AK8: variants seen among roughly 807,000 people sequenced by gnomAD.
The protein encoded by AK8 is adenylate kinase 8.
AK8 carries 44 observed loss-of-function variants against 54.6 expected under a neutral mutation model. That is an observed-to-expected ratio of 0.81 (90% CI 0.63 to 1.04). AK8 has a LOEUF of 1.04. AK8 is among the 50% of genes least tolerant of loss of function. The pLI is 0.00. For missense variants in AK8, 555 were observed against 613.6 expected (o/e 0.90, Z 1.01); for synonymous variants, 239 against 245.6 (o/e 0.97, Z 0.25).
intron 5 of AK8, among the ~76,000 whole-genome samples, chr9:132,847,446 C>T (rs376062831): frequency 1.3e-5 from 2 of 152,096 alleles, no homozygotes; most frequent in Non-Finnish European, 1.5e-5. Context: ...GTGCTTAGAA[C>T]GAATGCTCAT....
intron 10 of AK8, among the ~76,000 whole-genome samples, chr9:132,800,822 T>G (rs1235242115): frequency 6.6e-6 from 1 of 151,802 alleles, no homozygotes; most frequent in African/African-American, 2.4e-5. Flanking sequence ...CCATGTCTAC[T>G]CAGGCAAAAG....
At chr9:132,782,055 G>A (rs971271082) in intron 11 of AK8, among the ~76,000 whole-genome samples, 3 of 152,014 alleles carry the variant, frequency 2.0e-5, no homozygotes, top group Non-Finnish European at 2.9e-5. Context: ...CCTGTCCTTC[G>A]CCCTAGGGTC....
At chr9:132,774,398 T>C (rs1282782370) in intron 11 of AK8, among the ~76,000 whole-genome samples, 1 of 152,202 alleles carries the variant, frequency 6.6e-6, no homozygotes, top group Non-Finnish European at 1.5e-5. Flanking sequence ...TTTTTTTATA[T>C]ATTAAATAAT....
intron 1 of AK8, among the ~76,000 whole-genome samples, chr9:132,875,455 C>T (rs1844053096): frequency 6.6e-6 from 1 of 152,196 alleles, no homozygotes. Flanking sequence ...TCAGAGCAGG[C>T]AGTCCAGGGC....
intron 11 of AK8, among the ~76,000 whole-genome samples, chr9:132,745,182 G>C (rs1237200331): frequency 6.6e-6 from 1 of 152,198 alleles, no homozygotes; most frequent in Non-Finnish European, 1.5e-5. Context: ...GGGGCCTTAT[G>C]AATGTTTACA....
chr9:132,750,356 T>C lies in AK8; in HGVS notation c.1122-22822A>G, dbSNP rs564022100. 6.8e-4 allele frequency among the ~76,000 whole-genome samples: 103 copies of C among 152,040 alleles called. 3 individuals are homozygous for C. The highest frequency in any genetic ancestry group is 1.2e-3 in the Non-Finnish European group (84 of 67,886). On this transcript the variant is annotated intron_variant, in intron 11 of 12. Transcript: ENST00000298545. ...CTGGTGTCCAAATCCTGACCTCAAG[T>C]GAGCCACCCGCCTTGGCCTCTCAAA...
intron 9 of AK8, among the ~76,000 whole-genome samples, chr9:132,818,414 G>A (rs1484895786): frequency 2.6e-5 from 4 of 152,120 alleles, no homozygotes; most frequent in Non-Finnish European, 4.4e-5. Context: ...GAAGTAAAAT[G>A]TATGTCAACT....
intron 11 of AK8, among the ~76,000 whole-genome samples, chr9:132,742,080 A>C (rs1455819062): frequency 6.6e-6 from 1 of 152,182 alleles, no homozygotes; most frequent in Non-Finnish European, 1.5e-5. Context: ...CGCATGGATC[A>C]GAACTTCATT....
At chr9:132,828,614 G>A in intron 6 of AK8, 31 bp downstream of exon 6, 1 of 1,594,240 alleles carries the variant, frequency 6.3e-7, no homozygotes, top group Non-Finnish European at 8.6e-7. Context: ...CTGCAGCTCT[G>A]GCAGGTGGGG....
At chr9:132,864,661 A>C (rs1017523091) in intron 3 of AK8, among the ~76,000 whole-genome samples, 11 of 152,226 alleles carry the variant, frequency 7.2e-5, no homozygotes, top group Non-Finnish European at 1.6e-4. Flanking sequence ...GAGTGGGGAC[A>C]GCAATTCACC....
chr9:132,729,151 C>T (rs1403720975), intron 11 of AK8, among the ~76,000 whole-genome samples: 1 of 152,228 alleles, frequency 6.6e-6, no homozygotes, highest in Non-Finnish European at 1.5e-5. Flanking sequence ...TCTCAAAGCG[C>T]TGGGATTACA....
At chr9:132,845,345 A>G (rs1029066999) in intron 5 of AK8, among the ~76,000 whole-genome samples, 4 of 152,252 alleles carry the variant, frequency 2.6e-5, no homozygotes, top group African/African-American at 9.6e-5. Flanking sequence ...AATTTCTAAC[A>G]ATAGACTTCA....
At chr9:132,766,053 T>C (rs797015006) in intron 11 of AK8, among the ~76,000 whole-genome samples, 14 of 152,216 alleles carry the variant, frequency 9.2e-5, no homozygotes, top group African/African-American at 3.4e-4. Flanking sequence ...AAGAATAAAC[T>C]GGTGGAAAAA....
In AK8 at chr9:132,826,815, G is replaced by A; in HGVS notation, c.757+39C>T. 3 of 1,600,866 alleles carry A rather than the reference G, an allele frequency of 1.9e-6. No homozygotes were observed. The highest frequency in any genetic ancestry group is 1.1e-5 in the South Asian group (1 of 90,786). On this transcript the variant is annotated intron_variant, in intron 8 of 12. Transcript: ENST00000298545. The surrounding 1 kb of genome is among the most constrained non-coding windows in gnomAD (Gnocchi z 4.5). Reference sequence around the variant, plus strand: ...AGAAGGCACAGCGAGCCCCGCCCTTGGCCGTCTGTCCAGGGTGGGGCTGCC... The same window carrying A: ...AGAAGGCACAGCGAGCCCCGCCCTTAGCCGTCTGTCCAGGGTGGGGCTGCC...
At chr9:132,820,715 G>T (rs1841553705) in intron 9 of AK8, among the ~76,000 whole-genome samples, 2 of 152,180 alleles carry the variant, frequency 1.3e-5, no homozygotes, top group South Asian at 2.1e-4. Context: ...CTTTGTGGGA[G>T]TGAGTGTGGG....
intron 9 of AK8, among the ~76,000 whole-genome samples, chr9:132,822,268 C>G (rs1841671508): frequency 8.5e-6 from 1 of 118,232 alleles, no homozygotes; most frequent in Non-Finnish European, 1.7e-5. Flanking sequence ...TATGTATATA[C>G]AAATATATAC....
chr9:132,736,849 C>T (rs546559237), intron 11 of AK8, among the ~76,000 whole-genome samples: 9 of 148,726 alleles, frequency 6.1e-5, no homozygotes, highest in East Asian at 6.0e-4. Flanking sequence ...ACCTTGAAGA[C>T]ATTATGCTAA....
At chr9:132,725,989 C>T (rs2130922562) in intron 12 of AK8, 64 bp from the exon 13 acceptor site, 2 of 1,476,446 alleles carry the variant, frequency 1.4e-6, no homozygotes, top group Admixed American at 3.7e-5. Flanking sequence ...AGAAAGGGAC[C>T]CTCTACTCTA....
intron 10 of AK8, among the ~76,000 whole-genome samples, chr9:132,808,839 G>C (rs1425035017): frequency 6.6e-6 from 1 of 152,200 alleles, no homozygotes; most frequent in Non-Finnish European, 1.5e-5. Context: ...CAGCAGCCGG[G>C]AGCACAGGCA....
Sources: allele counts gnomAD v4.1 joint callset (sites outside exome capture counted in the v4.1 genomes callset), GRCh38; gene constraint gnomAD v4.1.1; non-coding constraint Gnocchi (gnomAD v3.1); transcripts MANE v1.5; gene names NCBI Gene and HGNC (gene_info 2026-07-23, HGNC 2026-07-21).